SHB: variants seen among roughly 807,000 people sequenced by gnomAD.
SHB encodes SH2 domain-containing adapter protein B.
Under a neutral mutation model 52.3 loss-of-function variants are expected in SHB, and 20 were observed. The observed-to-expected ratio is 0.38, with a 90% CI of 0.27 to 0.56. The LOEUF (loss-of-function observed/expected upper bound fraction) is 0.56, where lower values mean the gene tolerates loss of function less well. SHB is among the 20% of genes least tolerant of loss of function. The pLI is 0.71. For synonymous variants in SHB, 397 were observed against 316.5 expected, an observed-to-expected ratio of 1.25 and a Z score of -2.70; for missense variants, 825 against 723.3, an observed-to-expected ratio of 1.14 and a Z score of -1.61.
chr9:37,944,109 T>G (rs1832465123), intron 5 of SHB, among the ~76,000 whole-genome samples: 1 of 151,016 alleles, frequency 6.6e-6, no homozygotes, highest in South Asian at 2.1e-4. Context: ...AGGGAGAGAG[T>G]TCTGCAGGCA....
chr9:37,964,269 C>G (rs1434758712), intron 3 of SHB, among the ~76,000 whole-genome samples: 1 of 152,216 alleles, frequency 6.6e-6, no homozygotes, highest in East Asian at 1.9e-4. Flanking sequence ...ACAAAGCAGG[C>G]AAGCGGGAAG....
chr9:37,929,986 C>T (rs920083101), intron 5 of SHB, among the ~76,000 whole-genome samples: 1 of 152,116 alleles, frequency 6.6e-6, no homozygotes, highest in Non-Finnish European at 1.5e-5. Context: ...CTTGTAGTCC[C>T]GGCTACTTGG....
intron 1 of SHB, among the ~76,000 whole-genome samples, chr9:38,028,820 C>A (rs1363776200): frequency 6.6e-6 from 1 of 152,186 alleles, no homozygotes; most frequent in African/African-American, 2.4e-5. Context: ...GTGTTTATAT[C>A]CATAGAAAAA....
At chr9:38,054,409 TG>T (rs1821786346) in intron 1 of SHB, among the ~76,000 whole-genome samples, 1 of 152,222 alleles carries the variant, frequency 6.6e-6, no homozygotes, top group African/African-American at 2.4e-5. Flanking sequence ...CAAATCCACC[TG>T]GGAATCTGAC....
intron 1 of SHB, among the ~76,000 whole-genome samples, chr9:38,066,848 T>C (rs1038171962): frequency 2.6e-5 from 4 of 152,152 alleles, no homozygotes; most frequent in African/African-American, 9.7e-5. Context: ...ACTCAGACTC[T>C]TAATCAGTCT....
chr9:38,020,949 C>T (rs543678701), intron 1 of SHB, among the ~76,000 whole-genome samples: 3 of 152,264 alleles, frequency 2.0e-5, no homozygotes, highest in South Asian at 2.1e-4. Flanking sequence ...GAAGATCACC[C>T]GGCTACAGGA....
intron 1 of SHB, among the ~76,000 whole-genome samples, chr9:38,041,660 A>G (rs922217942): frequency 6.6e-6 from 1 of 152,136 alleles, no homozygotes; most frequent in African/African-American, 2.4e-5. Context: ...AAGCAACTCA[A>G]CATTATTCCC....
chr9:37,977,801 G>A (rs976332288), intron 2 of SHB, among the ~76,000 whole-genome samples: 1 of 152,150 alleles, frequency 6.6e-6, no homozygotes, highest in African/African-American at 2.4e-5. Flanking sequence ...AGCTGAGAAG[G>A]CACTGACCTG....
chr9:37,932,151 G>A (rs545741896), intron 5 of SHB, among the ~76,000 whole-genome samples: 3 of 151,624 alleles, frequency 2.0e-5, no homozygotes, highest in Non-Finnish European at 2.9e-5. Context: ...GCATGGTGGC[G>A]GGTGCCTGTA....
chr9:37,989,016 G>A (rs1042351896), intron 2 of SHB, among the ~76,000 whole-genome samples: 3 of 149,698 alleles, frequency 2.0e-5, no homozygotes, highest in African/African-American at 5.0e-5. Context: ...TTTGGGACTT[G>A]GCAGTTTTCA....
intron 3 of SHB, among the ~76,000 whole-genome samples, chr9:37,957,740 C>G (rs1832651988): frequency 6.6e-6 from 1 of 152,242 alleles, no homozygotes. Context: ...TGAGGAGAGA[C>G]AGGCAATAAA....
chr9:37,946,605 G>A (rs1318150762), intron 5 of SHB, among the ~76,000 whole-genome samples: 1 of 152,174 alleles, frequency 6.6e-6, no homozygotes, highest in Non-Finnish European at 1.5e-5. Flanking sequence ...CTTAGTTCAA[G>A]GGCTCAGTAC....
intron 1 of SHB, among the ~76,000 whole-genome samples, chr9:38,027,918 G>C (rs1429332607): frequency 1.3e-5 from 2 of 151,282 alleles, no homozygotes; most frequent in African/African-American, 4.9e-5. Context: ...GGATGGAGCT[G>C]AGCCAAGAGG....
chr9:38,016,044 T>G lies in SHB; in HGVS notation c.805A>C (p.Met269Leu). Residue 269 changes from methionine (M) to leucine (L), a missense_variant, in exon 2 of 6, where the codon ATG (methionine) becomes CTG (leucine). By Grantham distance (15) the Met-to-Leu change is conservative. Transcript: ENST00000377707. ...KAGKGESAGY[M>L]EPYEAQRIMT... is the part of the protein sequence containing the mutation. ...ATCCTCTGTGCCTCATAGGGCTCCA[T>G]GTAGCCAGCACTCTCCCCCTTTCCT... 2.5e-6 allele frequency: 4 copies of G among 1,614,198 alleles called. No homozygotes were observed. Among genetic ancestry groups the G allele is most frequent in the Non-Finnish European group, 3.4e-6 (4 of 1,179,996 alleles).
intron 1 of SHB, among the ~76,000 whole-genome samples, chr9:38,038,337 C>T (rs1379548657): frequency 3.3e-5 from 5 of 152,196 alleles, no homozygotes; most frequent in Admixed American, 6.5e-5. Context: ...ACACTCTCCA[C>T]GTGTGCACTG....
chr9:38,037,431 C>G (rs1051452688), intron 1 of SHB, among the ~76,000 whole-genome samples: 1 of 152,188 alleles, frequency 6.6e-6, no homozygotes, highest in Non-Finnish European at 1.5e-5. Context: ...ATACTGTGCC[C>G]TTCTCTCTTC....
In SHB at chr9:38,055,509, A is replaced by T. The variant is rs556871788; in HGVS notation, c.717+12420T>A. Among the ~76,000 whole-genome samples, 34 of 152,150 alleles carry T rather than the reference A, an allele frequency of 2.2e-4. 1 individual carries two copies. In the East Asian group the frequency reaches 6.2e-3, roughly 28 times the overall value. ...GGTGTTAAAAAATTTGAGTGACCAAAATCGTGTGGCCCACACAGGCCACAC... is the reference window on the plus strand; with the variant it reads ...GGTGTTAAAAAATTTGAGTGACCAATATCGTGTGGCCCACACAGGCCACAC... On this transcript the variant is annotated intron_variant, in intron 1 of 5. Transcript: ENST00000377707.
intron 5 of SHB, among the ~76,000 whole-genome samples, chr9:37,932,537 G>A (rs1832324565): frequency 1.4e-5 from 2 of 139,636 alleles, no homozygotes; most frequent in South Asian, 2.4e-4. Flanking sequence ...CATACTAAAT[G>A]AGTAGATGTT....
In SHB at chr9:37,956,020, G is replaced by A. The variant is rs771134450; in HGVS notation, c.1089C>T (p.Ser363=). ...GCCGCCGGTCCCGCGAAGGTGAGGG[G>A]GATGACTGCCGCTTCTCGTTGCCAT... ...QFNGNEKRQS[S]PSPSRDRRRQ... The change falls in exon 4 of 6, where the codon TCC becomes TCT. Residue 363 remains serine, a synonymous_variant. Coordinates refer to ENST00000377707, the MANE Select transcript of SHB (RefSeq NM_003028.3). 1.3e-6 allele frequency: 2 copies of A among 1,580,444 alleles called. No individual in the cohort carries two copies. The highest frequency in any genetic ancestry group is 1.7e-6 in the Non-Finnish European group (2 of 1,163,390).
Sources: allele counts gnomAD v4.1 joint callset (sites outside exome capture counted in the v4.1 genomes callset), GRCh38; gene constraint gnomAD v4.1.1; transcripts MANE v1.5; gene names NCBI Gene and HGNC (gene_info 2026-07-23, HGNC 2026-07-21).